The following SPEG variants were observed in gnomAD, a reference collection of about 807,000 sequenced individuals.
SPEG encodes striated muscle enriched protein kinase.
Under a neutral mutation model 300.4 loss-of-function variants are expected in SPEG, and 114 were observed. That is an observed-to-expected ratio of 0.38 (90% CI 0.33 to 0.44). SPEG has a LOEUF of 0.44. SPEG is among the 20% of genes least tolerant of loss of function. The pLI is 1.00. For missense variants in SPEG, 4,201 were observed against 4,586.2 expected (o/e 0.92, Z 2.43); for synonymous variants, 1,964 against 2,018.9 (o/e 0.97, Z 0.73).
rs1689730065 is a variant in SPEG, at chr2:219,451,335, A to G, written c.2257+56A>G. On this transcript the variant is annotated intron_variant, in intron 5 of 40. Coordinates refer to ENST00000312358, the MANE Select transcript of SPEG (RefSeq NM_005876.5). The surrounding 1 kb of genome is among the most constrained non-coding windows in gnomAD (Gnocchi z 6.4). ...CGAGGTTGGGAGGGGGTGTGTGAGA[A>G]GGGAAGGGGAGGTTCCCCCGGACTC... The G allele has an allele frequency of 6.5e-7, 1 of 1,541,012 alleles. No homozygotes were observed.
rs377429366 is a variant in SPEG at position 219,456,593 on chromosome 2, C to A, written c.2440+4786C>A. Among the ~76,000 whole-genome samples, 58 of 152,354 alleles carry A rather than the reference C, an allele frequency of 3.8e-4. 1 individual carries two copies. The highest frequency in any genetic ancestry group is 1.3e-3 in the African/African-American group (56 of 41,588). ...TGCAGCCACTTTTCCTCACCTGGAG[C>A]AAACTAACATAGTCATATATAAGAA... On this transcript the variant is annotated intron_variant, in intron 6 of 40. Transcript: ENST00000312358.
Position 219,448,353 on chromosome 2 carries a change from C to A in SPEG, c.1195C>A (p.Arg399Ser). 1 of 1,585,962 alleles carries A rather than the reference C, an allele frequency of 6.3e-7. No individual in the cohort carries two copies. Residue 399 changes from arginine to serine, a missense_variant, in exon 4 of 41, where the codon CGC becomes AGC. By Grantham distance (110) the Arg-to-Ser change is moderately radical (BLOSUM62 -1). Around this residue, in one of 4 missense-constraint regions of SPEG, gnomAD observed 1,258 missense variants for 1,293.9 expected, o/e 0.97. Transcript: ENST00000312358. ...GCCTAGGCTGGTGCGCGCCGGCTCCCGCATCCTGGACAAGCTGCAGTTCTT... is the reference window on the plus strand; with the variant it reads ...GCCTAGGCTGGTGCGCGCCGGCTCCAGCATCCTGGACAAGCTGCAGTTCTT... ...RSPRLVRAGS[R>S]ILDKLQFFEE...
In SPEG at chr2:219,473,298, T is replaced by C; in HGVS notation, c.4147+202T>C. The C allele has an allele frequency of 1.4e-6, 1 of 739,738 alleles. No homozygotes were observed. 45.8% of individuals were successfully genotyped at this position (739,738 alleles called of 1,614,324 possible). A position where few individuals can be genotyped will look rare whatever the true frequency, so the allele number is the denominator to read the frequency against. ...GGTGGCTGAAGCTCAGGCTTTGGGATCGGGCCTGCTGGGGTCCAACCCCAC... is the reference window on the plus strand; with the variant it reads ...GGTGGCTGAAGCTCAGGCTTTGGGACCGGGCCTGCTGGGGTCCAACCCCAC... On this transcript the variant is annotated intron_variant, in intron 16 of 40. Coordinates refer to ENST00000312358, the MANE Select transcript of SPEG (RefSeq NM_005876.5). The surrounding 1 kb of genome is among the most constrained non-coding windows in gnomAD (Gnocchi z 4.6).
rs773918405 is a variant in SPEG, at chr2:219,451,774, G to A, written c.2407G>A (p.Ala803Thr). The change falls in exon 6 of 41, where the codon GCC becomes ACC. Residue 803 changes from alanine (A) to threonine (T), a missense_variant. Physicochemically the swap from Ala to Thr is moderately conservative, Grantham distance 58. Coordinates refer to ENST00000312358, the MANE Select transcript of SPEG (RefSeq NM_005876.5). The surrounding 1 kb of genome is among the most constrained non-coding windows in gnomAD (Gnocchi z 6.4). ...CACCGCCACCAACGAGCTGGGCCAG[G>A]CCACCTGTGCCGCCTCACTGACCGT... ...MATATNELGQ[A>T]TCAASLTVRP... 4 of 1,552,610 alleles carry A rather than the reference G, an allele frequency of 2.6e-6. No individual in the cohort carries two copies. In the South Asian group the frequency reaches 4.8e-5, roughly 18 times the overall value.
chr2:219,456,779 G>A (rs1398577711), intron 6 of SPEG, among the ~76,000 whole-genome samples: 1 of 151,938 alleles, frequency 6.6e-6, no homozygotes, highest in Non-Finnish European at 1.5e-5. Context: ...TGTGGTGATG[G>A]ACGTCTCTAA....
chr2:219,464,565 T>C lies in SPEG; in HGVS notation c.2838T>C (p.Asn946=), dbSNP rs752424712. ...DAGFYTCKAV[N]EYGARQCEAR... is the part of the protein sequence containing the mutation. ...GTTTCTACACTTGCAAAGCGGTCAA[T>C]GAGTATGGTGCTCGGCAGTGCGAGG... is the stretch of plus-strand genomic sequence containing the variant. Residue 946 remains asparagine (N), a synonymous_variant, in exon 9 of 41, where the codon AAT becomes AAC. Coordinates refer to ENST00000312358, the MANE Select transcript of SPEG (RefSeq NM_005876.5). The surrounding 1 kb of genome is among the most constrained non-coding windows in gnomAD (Gnocchi z 4.5). 6.2e-7 allele frequency: 1 copy of C among 1,614,244 alleles called. No individual in the cohort carries two copies. The highest frequency in any genetic ancestry group is 8.5e-7 in the Non-Finnish European group (1 of 1,180,032).
rs1954813290 is a variant in SPEG at position 219,439,904 on chromosome 2, G to A, written c.388+4539G>A. On this transcript the variant is annotated intron_variant, in intron 1 of 40. Coordinates refer to ENST00000312358, the MANE Select transcript of SPEG (RefSeq NM_005876.5). The surrounding 1 kb of genome is among the most constrained non-coding windows in gnomAD (Gnocchi z 4.5). ...CCCATCTGTGAGTGGGTGTGTTTAG[G>A]GGTGTACATGGAAAGTGCCCATGGG... 6.6e-6 allele frequency among the ~76,000 whole-genome samples: 1 copy of A among 152,218 alleles called. No individual in the cohort carries two copies. The highest frequency in any genetic ancestry group is 2.1e-4 in the South Asian group (1 of 4,832).
chr2:219,472,131 G>GA, intron 14 of SPEG, 96 bp from the exon 15 acceptor site: 4 of 1,521,726 alleles, frequency 2.6e-6, no homozygotes, highest in African/African-American at 1.4e-5. Flanking sequence ...CCCTGCGGCT[G>GA]AGCCCCCAGG....
rs774664894 is a variant in SPEG at position 219,468,814 on chromosome 2, C to A, written c.3302-45C>A. 3.1e-6 allele frequency: 5 copies of A among 1,606,800 alleles called. No individual in the cohort carries two copies. In the East Asian group the frequency reaches 6.7e-5, roughly 22 times the overall value. ...GATGGGGTGCACCCAGAGGGCAGGG[C>A]CCCTCACTGTGCCTGCTCTGCATTC... On this transcript the variant is annotated intron_variant, in intron 11 of 40. Coordinates refer to ENST00000312358, the MANE Select transcript of SPEG (RefSeq NM_005876.5).
In SPEG at chr2:219,488,579, C is replaced by A. The variant is rs749373078; in HGVS notation, c.7940C>A (p.Ala2647Glu). ...DGRQLLSIPR[A>E]GKRHAGLYEC... ...CGGCAGCTGCTCAGCATCCCCCGGG[C>A]GGGCAAGCGGCACGCCGGTCTCTAT... The change falls in exon 33 of 41, where the codon GCG (alanine) becomes GAG (glutamate). Residue 2647 changes from alanine to glutamate, a missense_variant. Around this residue, in one of 4 missense-constraint regions of SPEG, gnomAD observed 1,578 missense variants for 1,506.0 expected, o/e 1.05. Transcript: ENST00000312358. The A allele has an allele frequency of 6.2e-7, 1 of 1,612,120 alleles. No individual in the cohort carries two copies. Among genetic ancestry groups the A allele is most frequent in the African/African-American group, 1.3e-5 (1 of 75,028 alleles).
At position 219,443,333 on chromosome 2, in the gene SPEG, C is replaced by G; in HGVS notation, c.389-1320C>G. ...CTGTGCCCTACAGCTGAGAGAGGAC[C>G]CAGCAGAAGGGAGGGCGGCTCACTA... On this transcript the variant is annotated intron_variant, in intron 1 of 40. Transcript: ENST00000312358. This position sits in a 1 kb window ranked among gnomAD's most constrained non-coding sequence, Gnocchi z 4.6. The G allele has an allele frequency of 1.4e-6, 1 of 697,186 alleles. No homozygotes were observed. The highest frequency in any genetic ancestry group is 2.6e-6 in the Non-Finnish European group (1 of 381,064). 43.2% of individuals were successfully genotyped at this position (697,186 alleles called of 1,614,324 possible).
rs371768029 is a variant in SPEG, at chr2:219,451,155, C to T, written c.2133C>T (p.Tyr711=). 3.1e-5 allele frequency: 50 copies of T among 1,613,072 alleles called. No individual in the cohort carries two copies. In the East Asian group the frequency reaches 4.0e-4, roughly 13 times the overall value. Residue 711 remains tyrosine, a synonymous_variant, in exon 5 of 41, where the codon TAC becomes TAT. Coordinates refer to ENST00000312358, the MANE Select transcript of SPEG (RefSeq NM_005876.5). This position sits in a 1 kb window ranked among gnomAD's most constrained non-coding sequence, Gnocchi z 6.4. The part of the protein sequence containing the change: ...SPELESSDDS[Y]VSAGEEPLEA... ...CGGCAGAGTCTTCGGATGACTCCTACGTGTCCGCTGGAGAAGAGCCCCTAG... is the reference window on the plus strand; with the variant it reads ...CGGCAGAGTCTTCGGATGACTCCTATGTGTCCGCTGGAGAAGAGCCCCTAG...
In SPEG at chr2:219,468,618, G is replaced by T. The variant is rs201812370; in HGVS notation, c.3183G>T (p.Ser1061=). The part of the protein sequence containing the change: ...TCSARLTVRP[S]LAPLFTRLLE... ...GTGCCCGGCTGACCGTGCGGCCCTC[G>T]TTGGCACCCCTGTTCACACGGCTGC... Residue 1061 remains serine, a synonymous_variant, in exon 11 of 41, where the codon TCG becomes TCT. Transcript: ENST00000312358. 139 of 1,613,738 alleles carry T rather than the reference G, an allele frequency of 8.6e-5. No individual in the cohort carries two copies. The highest frequency in any genetic ancestry group is 1.1e-4 in the Non-Finnish European group (134 of 1,180,010).
chr2:219,447,186 G>T (rs986187264), intron 3 of SPEG, among the ~76,000 whole-genome samples: 4 of 144,300 alleles, frequency 2.8e-5, no homozygotes, highest in Admixed American at 7.0e-5. Flanking sequence ...CTATTTCTGA[G>T]CTGAGTTATT....
rs1400592311 is a variant in SPEG at position 219,483,509 on chromosome 2, G to T, written c.6046G>T (p.Ala2016Ser). 1.4e-6 allele frequency: 2 copies of T among 1,418,616 alleles called. No homozygotes were observed. The highest frequency in any genetic ancestry group is 1.5e-5 in the South Asian group (1 of 66,392). 87.9% of individuals were successfully genotyped at this position (1,418,616 alleles called of 1,614,324 possible). A position where few individuals can be genotyped will look rare whatever the true frequency, so the allele number is the denominator to read the frequency against. Reference sequence around the variant, plus strand: ...GGGAGAGCTCCGCAGGGGCAGCTCGGCTGAGAGCGCCCTGCCCCGGGCCGG... The same window carrying T: ...GGGAGAGCTCCGCAGGGGCAGCTCGTCTGAGAGCGCCCTGCCCCGGGCCGG... ...RRGELRRGSS[A>S]ESALPRAGPR... The change falls in exon 30 of 41, where the codon GCT becomes TCT. Residue 2016 changes from alanine to serine, a missense_variant. By Grantham distance (99) the Ala-to-Ser change is moderately conservative. Around this residue, in one of 4 missense-constraint regions of SPEG, gnomAD observed 1,578 missense variants for 1,506.0 expected, o/e 1.05. Coordinates refer to ENST00000312358, the MANE Select transcript of SPEG (RefSeq NM_005876.5).
chr2:219,482,805 G>A lies in SPEG; in HGVS notation c.5587G>A (p.Val1863Met), dbSNP rs761702627. ...GCAGACTCAGGCAAAGGGCGCAGAG[G>A]TGAGCACGGATCACCTGAAGCTATT... is the stretch of plus-strand genomic sequence containing the variant. ...WFKTQAKGAE[V>M]STDHLKLFLS... The change falls in exon 29 of 41, where the codon GTG (valine) becomes ATG (methionine). Residue 1863 changes from valine to methionine, a missense_variant. Val to Met is a conservative substitution (Grantham distance 21). Transcript: ENST00000312358. 1.2e-5 allele frequency: 19 copies of A among 1,613,788 alleles called. No homozygotes were observed. The highest frequency in any genetic ancestry group is 1.3e-5 in the Non-Finnish European group (15 of 1,179,958).
At position 219,464,662 on chromosome 2, in the gene SPEG, C is replaced by G. The variant is rs1426059290; in HGVS notation, c.2881+54C>G. 6.4e-7 allele frequency: 1 copy of G among 1,563,868 alleles called. No homozygotes were observed. Among genetic ancestry groups the G allele is most frequent in the Admixed American group, 1.7e-5 (1 of 59,246 alleles). On this transcript the variant is annotated intron_variant, in intron 9 of 40. Coordinates refer to ENST00000312358, the MANE Select transcript of SPEG (RefSeq NM_005876.5). The surrounding 1 kb of genome is among the most constrained non-coding windows in gnomAD (Gnocchi z 4.5). Reference sequence around the variant, plus strand: ...CACCTGGCCCTGGCCCCTTCCTTCCCCCACTGTCTGCTCTCACACAGCCTC... The same window carrying G: ...CACCTGGCCCTGGCCCCTTCCTTCCGCCACTGTCTGCTCTCACACAGCCTC...
At position 219,449,143 on chromosome 2, in the gene SPEG, C is replaced by T. The variant is rs867589148; in HGVS notation, c.1985C>T (p.Ala662Val). ...AVPQTLEKNR[A>V]GPEAEKRLRR... Reference sequence around the variant, plus strand: ...CCCCAGACCTTGGAGAAGAACAGGGCGGGGCCTGAGGCAGAGAAGAGGCTT... The same window carrying T: ...CCCCAGACCTTGGAGAAGAACAGGGTGGGGCCTGAGGCAGAGAAGAGGCTT... The change falls in exon 4 of 41, where the codon GCG becomes GTG. Residue 662 changes from alanine (A) to valine (V), a missense_variant. Physicochemically the swap from Ala to Val is moderately conservative, Grantham distance 64. This residue lies in a region of SPEG where 1,258 missense variants were observed against 1,293.9 expected (regional missense o/e 0.97). Coordinates refer to ENST00000312358, the MANE Select transcript of SPEG (RefSeq NM_005876.5). 4.2e-6 allele frequency: 6 copies of T among 1,437,018 alleles called. No homozygotes were observed. Among genetic ancestry groups the T allele is most frequent in the South Asian group, 3.0e-5 (2 of 67,700 alleles). The allele number at this position is 1,437,018 out of a possible 1,614,324, so 89.0% of individuals were successfully genotyped here.
Position 219,480,640 on chromosome 2 carries a change from C to T in SPEG, c.5343-31C>T, listed in dbSNP as rs1173708132. On this transcript the variant is annotated intron_variant, in intron 25 of 40. Transcript: ENST00000312358. The surrounding 1 kb of genome is among the most constrained non-coding windows in gnomAD (Gnocchi z 5.3). ...TCCCTTCCAGTCAGAGAGGGGCGGT[C>T]CTCTTACCTATCACTCTCCTTTTCC... 1 of 1,613,074 alleles carries T rather than the reference C, an allele frequency of 6.2e-7. No homozygotes were observed. Among genetic ancestry groups the T allele is most frequent in the Non-Finnish European group, 8.5e-7 (1 of 1,179,238 alleles).
Sources: gnomAD v4.1 joint callset for allele counts (sites outside exome capture counted in the v4.1 genomes callset) on GRCh38, gnomAD v4.1.1 for gene constraint, gnomAD v4.1.1 regional missense constraint, Gnocchi (gnomAD v3.1) non-coding constraint, MANE v1.5 for transcripts, NCBI Gene and HGNC (gene_info 2026-07-23, HGNC 2026-07-21) for gene names.